Variants in CTNNBL1 observed in about 807,000 individuals in gnomAD.
CTNNBL1 encodes beta-catenin-like protein 1.
Under a neutral mutation model 72.7 loss-of-function variants are expected in CTNNBL1, and 31 were observed. The observed-to-expected ratio is 0.43, with a 90% CI of 0.32 to 0.58. The LOEUF (loss-of-function observed/expected upper bound fraction) is 0.58. Among genes scored for constraint, CTNNBL1 ranks in the 20% least tolerant of loss-of-function variants. The pLI is 0.08. For missense variants in CTNNBL1, 534 were observed against 725.1 expected (o/e 0.74, Z 3.03); for synonymous variants, 240 against 267.3 (o/e 0.90, Z 1.00).
intron 8 of CTNNBL1, 61 bp from the exon 9 acceptor site, chr20:37,777,593 C>T (rs767789967): frequency 2.6e-5 from 40 of 1,513,796 alleles, no homozygotes; most frequent in African/African-American, 4.1e-5. Flanking sequence ...CAGTGTTAGA[C>T]GGCTGTAAAA....
At chr20:37,737,081 G>A (rs1018939558) in intron 2 of CTNNBL1, among the ~76,000 whole-genome samples, 4 of 151,926 alleles carry the variant, frequency 2.6e-5, no homozygotes, top group East Asian at 3.9e-4. Flanking sequence ...AAAATTAGCC[G>A]GGCATGGGGG....
chr20:37,717,743 A>G (rs993309377), intron 1 of CTNNBL1, among the ~76,000 whole-genome samples: 4 of 152,088 alleles, frequency 2.6e-5, no homozygotes, highest in African/African-American at 9.7e-5. Flanking sequence ...TCCTAGGCAG[A>G]GGACCCTGCG....
chr20:37,870,835 C>T (rs1016631462), intron 15 of CTNNBL1, among the ~76,000 whole-genome samples: 5 of 152,212 alleles, frequency 3.3e-5, no homozygotes, highest in African/African-American at 7.2e-5. Flanking sequence ...CTGACCTCTT[C>T]GCTGACCCTC....
chr20:37,835,450 T>C (rs1393609071), intron 11 of CTNNBL1, among the ~76,000 whole-genome samples: 2 of 152,206 alleles, frequency 1.3e-5, no homozygotes, highest in African/African-American at 2.4e-5. Context: ...ATCTCATTTT[T>C]CACCTACTGG....
At chr20:37,762,760 C>G (rs1254926221) in intron 5 of CTNNBL1, among the ~76,000 whole-genome samples, 1 of 152,190 alleles carries the variant, frequency 6.6e-6, no homozygotes, top group African/African-American at 2.4e-5. Flanking sequence ...GTTTTCTGAG[C>G]TAAATGTATT....
intron 11 of CTNNBL1, among the ~76,000 whole-genome samples, chr20:37,815,618 C>T (rs1036847253): frequency 1.3e-5 from 2 of 152,106 alleles, no homozygotes; most frequent in Non-Finnish European, 2.9e-5. Context: ...ATGCCTGGCC[C>T]ACATTGGCTC....
At chr20:37,842,887 A>G (rs1402976737) in intron 13 of CTNNBL1, among the ~76,000 whole-genome samples, 3 of 152,254 alleles carry the variant, frequency 2.0e-5, no homozygotes, top group African/African-American at 7.2e-5. Context: ...CTGGAGACCT[A>G]GAGAACGGAA....
intron 1 of CTNNBL1, among the ~76,000 whole-genome samples, chr20:37,700,506 A>G (rs890928898): frequency 6.6e-6 from 1 of 152,186 alleles, no homozygotes; most frequent in African/African-American, 2.4e-5. Flanking sequence ...ACATATGTTA[A>G]CTATTCATTT....
chr20:37,852,859 G>A (rs568196604), intron 13 of CTNNBL1, among the ~76,000 whole-genome samples: 7 of 152,306 alleles, frequency 4.6e-5, no homozygotes, highest in African/African-American at 1.7e-4. Flanking sequence ...GTTTCCAAGC[G>A]AAGAAGCTGA....
intron 4 of CTNNBL1, among the ~76,000 whole-genome samples, chr20:37,752,309 A>G (rs906901702): frequency 5.9e-5 from 9 of 152,190 alleles, no homozygotes; most frequent in African/African-American, 2.2e-4. Flanking sequence ...GGTTCATTCT[A>G]GGTGGCTTTG....
At chr20:37,802,112 A>G (rs543161844) in intron 10 of CTNNBL1, among the ~76,000 whole-genome samples, 1 of 152,340 alleles carries the variant, frequency 6.6e-6, no homozygotes, top group African/African-American at 2.4e-5. Context: ...AAGGGTGGAA[A>G]CAAACCAAAT....
intron 10 of CTNNBL1, among the ~76,000 whole-genome samples, chr20:37,800,393 C>G (rs956969251): frequency 1.3e-5 from 2 of 152,130 alleles, no homozygotes; most frequent in South Asian, 2.1e-4. Context: ...TTCTCACCTC[C>G]TTTTACTTTT....
chr20:37,789,260 G>A (rs1423815903), intron 10 of CTNNBL1, among the ~76,000 whole-genome samples: 1 of 152,198 alleles, frequency 6.6e-6, no homozygotes, highest in Non-Finnish European at 1.5e-5. Context: ...GATGTAGAAG[G>A]AAATGCTCCT....
intron 11 of CTNNBL1, among the ~76,000 whole-genome samples, chr20:37,819,957 C>T (rs2072091550): frequency 6.6e-6 from 1 of 151,274 alleles, no homozygotes; most frequent in South Asian, 2.1e-4. Context: ...TCACTGCAAC[C>T]TCCGCATCCC....
At chr20:37,780,876 G>T (rs2073619614) in intron 10 of CTNNBL1, among the ~76,000 whole-genome samples, 1 of 152,078 alleles carries the variant, frequency 6.6e-6, no homozygotes, top group South Asian at 2.1e-4. Flanking sequence ...TTTACTTAAA[G>T]TTGCCATTTC....
chr20:37,786,154 G>A (rs140985615), intron 10 of CTNNBL1, among the ~76,000 whole-genome samples: 172 of 152,266 alleles, frequency 1.1e-3, no homozygotes, highest in Non-Finnish European at 2.1e-3. Context: ...CTGGGGGAGG[G>A]GTGAGACAAG....
chr20:37,766,534 A>T (rs117482473), intron 6 of CTNNBL1, among the ~76,000 whole-genome samples: 114 of 152,350 alleles, frequency 7.5e-4, no homozygotes, highest in South Asian at 1.7e-3. Flanking sequence ...CGTAGGAGTC[A>T]GTGAAAAGCA....
intron 2 of CTNNBL1, 77 bp downstream of exon 2, chr20:37,733,144 T>A (rs1209852323): frequency 1.1e-5 from 14 of 1,266,872 alleles, no homozygotes; most frequent in Admixed American, 4.0e-5. Flanking sequence ...ACTAAGCTTG[T>A]CTGAGCTTCC....
At chr20:37,725,127 G>T (rs1299362595) in intron 1 of CTNNBL1, among the ~76,000 whole-genome samples, 1 of 151,812 alleles carries the variant, frequency 6.6e-6, no homozygotes, top group African/African-American at 2.4e-5. Context: ...GGCTGGTCTC[G>T]AACTCCTGGG....
Sources: allele counts gnomAD v4.1 joint callset (sites outside exome capture counted in the v4.1 genomes callset), GRCh38; gene constraint gnomAD v4.1.1; transcripts MANE v1.5; gene names NCBI Gene and HGNC (gene_info 2026-07-23, HGNC 2026-07-21).